Variants in RHBDD1 observed in about 807,000 individuals in gnomAD.
RHBDD1 encodes the protein rhomboid-related protein 4.
A neutral mutation model predicts 36.3 loss-of-function variants in RHBDD1; 38 were observed. The observed-to-expected ratio is 1.05, with a 90% CI of 0.81 to 1.37. The LOEUF is 1.37. Ranked by LOEUF, RHBDD1 falls within the 40% of genes most tolerant of loss-of-function variation. The probability of loss-of-function intolerance (pLI) is 0.00; values close to 1 mark genes in which losing one functional copy is unlikely to be tolerated. For synonymous variants in RHBDD1, 151 were observed against 136.5 expected, an observed-to-expected ratio of 1.11 and a Z score of -0.74; for missense variants, 393 against 377.6, an observed-to-expected ratio of 1.04 and a Z score of -0.34.
the RHBDD1 span, among the ~76,000 whole-genome samples, chr2:226,807,828 T>G: frequency 5.3e-5 from 8 of 152,094 alleles, no homozygotes; most frequent in East Asian, 1.5e-3. Context: ...GGCTGGGCGC[T>G]GTGACTCAGG....
At chr2:226,867,632 A>T (rs1446152416) in intron 5 of RHBDD1, 2 of 985,256 alleles carry the variant, frequency 2.0e-6, no homozygotes, top group Non-Finnish European at 2.4e-6. Context: ...TTCTGAAAGC[A>T]AGATTCCAAA....
intron 8 of RHBDD1, among the ~76,000 whole-genome samples, chr2:226,974,665 G>T (rs1954231386): frequency 6.6e-6 from 1 of 152,144 alleles, no homozygotes; most frequent in African/African-American, 2.4e-5. Flanking sequence ...TAAAATAAAT[G>T]GGAAGGTACC....
chr2:226,981,469 A>C (rs1202644067), intron 8 of RHBDD1, among the ~76,000 whole-genome samples: 1 of 151,842 alleles, frequency 6.6e-6, no homozygotes, highest in African/African-American at 2.4e-5. Flanking sequence ...TTTCAGTCAC[A>C]GGATTGTCTC....
chr2:226,916,935 T>C (rs1948948403), intron 8 of RHBDD1, among the ~76,000 whole-genome samples: 1 of 152,106 alleles, frequency 6.6e-6, no homozygotes, highest in Non-Finnish European at 1.5e-5. Flanking sequence ...CTCAGAGACA[T>C]GAGCATGGAA....
At chr2:226,823,139 C>A in the RHBDD1 span, among the ~76,000 whole-genome samples, 20 of 152,158 alleles carry the variant, frequency 1.3e-4, no homozygotes, top group South Asian at 1.7e-3. Flanking sequence ...AATAAAAGAA[C>A]CCTGAGGGGG....
Position 226,864,766 on chromosome 2 carries a change from A to G in RHBDD1, c.73A>G (p.Asn25Asp), listed in dbSNP as rs147490611. The G allele has an allele frequency of 1.3e-4, 204 of 1,614,200 alleles. No individual in the cohort carries two copies. The highest frequency in any genetic ancestry group is 1.7e-4 in the Non-Finnish European group (198 of 1,180,022). ...LLSQIFHVGI[N>D]NIPPVTLATL... ...TTCTCAAATCTTCCATGTTGGGATC[A>G]ACAATATTCCACCTGTCACCCTAGC... The change falls in exon 4 of 9, where the codon AAC becomes GAC. Residue 25 changes from asparagine to aspartate, a missense_variant. Physicochemically the swap from Asn to Asp is conservative, Grantham distance 23. Transcript: ENST00000392062.
chr2:226,834,116 T>C (rs1940810925), upstream of RHBDD1, among the ~76,000 whole-genome samples: 1 of 152,256 alleles, frequency 6.6e-6, no homozygotes, highest in South Asian at 2.1e-4. Context: ...TTGAGACTTC[T>C]TGATTTGTGG....
chr2:226,838,662 T>TTTATAATGG (rs1941281595), intron 2 of RHBDD1, among the ~76,000 whole-genome samples: 2 of 152,244 alleles, frequency 1.3e-5, no homozygotes, highest in African/African-American at 4.8e-5. Context: ...TTTATGCCAT[T>TTTATAATGG]CATTTTATAA....
intron 8 of RHBDD1, among the ~76,000 whole-genome samples, chr2:226,930,752 A>G (rs1559284869): frequency 6.6e-6 from 1 of 152,126 alleles, no homozygotes; most frequent in Non-Finnish European, 1.5e-5. Context: ...ACAAAGGACT[A>G]ATATCCAGAA....
chr2:226,819,409 G>A, the RHBDD1 span, among the ~76,000 whole-genome samples: 1 of 152,122 alleles, frequency 6.6e-6, no homozygotes. Flanking sequence ...AGAGGCTGTT[G>A]TTTTACAGAA....
chr2:226,871,230 G>A (rs1944773061), intron 5 of RHBDD1, among the ~76,000 whole-genome samples: 1 of 150,704 alleles, frequency 6.6e-6, no homozygotes, highest in Non-Finnish European at 1.5e-5. Flanking sequence ...TCAATTTTCT[G>A]TTTTCAAAAA....
At chr2:226,874,502 T>G (rs939480303) in intron 5 of RHBDD1, among the ~76,000 whole-genome samples, 4 of 152,202 alleles carry the variant, frequency 2.6e-5, no homozygotes, top group Non-Finnish European at 5.9e-5. Context: ...GAGAAACTAT[T>G]ACCTTACTCC....
chr2:226,934,433 C>A (rs1360190880), intron 8 of RHBDD1, among the ~76,000 whole-genome samples: 1 of 152,076 alleles, frequency 6.6e-6, no homozygotes, highest in East Asian at 1.9e-4. Context: ...TCCTCTCAAA[C>A]TTTTCTTTAG....
intron 5 of RHBDD1, among the ~76,000 whole-genome samples, chr2:226,885,641 A>G (rs1007677410): frequency 1.3e-5 from 2 of 152,200 alleles, no homozygotes; most frequent in East Asian, 3.8e-4. Flanking sequence ...ATCAAATATT[A>G]ATAGTAGTTA....
chr2:226,891,067 C>T (rs1946642418), intron 5 of RHBDD1, among the ~76,000 whole-genome samples: 1 of 152,108 alleles, frequency 6.6e-6, no homozygotes, highest in Non-Finnish European at 1.5e-5. Context: ...ATCTCAAATC[C>T]AGTAGCTTAA....
intron 3 of RHBDD1, 44 bp downstream of exon 3, chr2:226,839,671 T>C (rs1941395331): frequency 6.6e-6 from 1 of 152,068 alleles, no homozygotes; most frequent in African/African-American, 2.4e-5. Context: ...ATTTCCAAGG[T>C]TGTCAGCCAT....
At chr2:226,818,870 C>G in the RHBDD1 span, among the ~76,000 whole-genome samples, 1 of 151,796 alleles carries the variant, frequency 6.6e-6, no homozygotes, top group African/African-American at 2.4e-5. Flanking sequence ...AACAAAAAAA[C>G]AAAAAACAGA....
intron 8 of RHBDD1, among the ~76,000 whole-genome samples, chr2:226,921,443 T>C (rs886163763): frequency 6.6e-6 from 1 of 152,260 alleles, no homozygotes; most frequent in Admixed American, 6.5e-5. Context: ...TTTGAAGTTT[T>C]TCTACCTTTT....
intron 5 of RHBDD1, among the ~76,000 whole-genome samples, chr2:226,885,041 GA>G (rs972523299): frequency 1.6e-4 from 25 of 152,182 alleles, no homozygotes; most frequent in African/African-American, 2.2e-4. Context: ...ACAATTTATA[GA>G]AAAAAATCTA....
Sources: allele counts gnomAD v4.1 joint callset (sites outside exome capture counted in the v4.1 genomes callset), GRCh38; gene constraint gnomAD v4.1.1; transcripts MANE v1.5; gene names NCBI Gene and HGNC (gene_info 2026-07-23, HGNC 2026-07-21).